PMM2: variants seen among roughly 807,000 people sequenced by gnomAD.
PMM2 encodes the protein mannose-6-phosphate isomerase.
Under a neutral mutation model 33.2 loss-of-function variants are expected in PMM2, and 35 were observed. That is an observed-to-expected ratio of 1.06 (90% CI 0.81 to 1.40). The LOEUF (loss-of-function observed/expected upper bound fraction) is 1.40. Ranked by LOEUF, PMM2 falls within the 40% of genes most tolerant of loss-of-function variation. PMM2 has a pLI of 0.00. For missense variants in PMM2, 386 were observed against 306.0 expected, an observed-to-expected ratio of 1.26 and a Z score of -1.95; for synonymous variants, 153 against 114.7, an observed-to-expected ratio of 1.33 and a Z score of -2.13.
intron 7 of PMM2, among the ~76,000 whole-genome samples, chr16:8,821,910 A>G (rs1203088311): frequency 6.6e-6 from 1 of 152,256 alleles, no homozygotes; most frequent in Non-Finnish European, 1.5e-5. Context: ...CTACTGCTCT[A>G]CGCCATTTCA....
intron 7 of PMM2, 114 bp downstream of exon 7, chr16:8,813,220 C>T: frequency 1.3e-6 from 1 of 768,428 alleles, no homozygotes; most frequent in Non-Finnish European, 2.4e-6. Flanking sequence ...CCTGCTCAAA[C>T]TGAGCAGTGG....
intron 7 of PMM2, among the ~76,000 whole-genome samples, chr16:8,839,493 C>T (rs1221043844): frequency 6.6e-6 from 1 of 151,964 alleles, no homozygotes; most frequent in Admixed American, 6.6e-5. Flanking sequence ...CGTTGAGTAT[C>T]TACAAGCAAC....
At chr16:8,802,335 C>G (rs1489582080) in intron 2 of PMM2, 2 of 455,798 alleles carry the variant, frequency 4.4e-6, no homozygotes, top group East Asian at 1.4e-4. Context: ...CTTATTGACC[C>G]CTTCACTGGA....
chr16:8,832,678 C>A (rs1034159247), intron 7 of PMM2: 1 of 985,450 alleles, frequency 1.0e-6, no homozygotes, highest in Non-Finnish European at 1.2e-6. Context: ...ACCCCGCACC[C>A]GTTCTCCAGA....
chr16:8,848,005 GA>G lies in PMM2; in HGVS notation c.*181del. 13 of 609,416 alleles carry G rather than the reference GA, an allele frequency of 2.1e-5. No individual in the cohort carries two copies. In the South Asian group the frequency reaches 2.3e-4, roughly 11 times the overall value. 37.8% of individuals were successfully genotyped at this position (609,416 alleles called of 1,614,324 possible). A position where few individuals can be genotyped will look rare whatever the true frequency, so the allele number is the denominator to read the frequency against. On this transcript the variant is annotated 3_prime_UTR_variant, in exon 8 of 8. Transcript: ENST00000268261. Reference sequence around the variant, plus strand: ...AGTGCCAGAAACTTCCAGAAGGAAGGAGAAAACTCTTGTCAAGAATGGCCCA... The same window carrying G: ...AGTGCCAGAAACTTCCAGAAGGAAGGGAAAACTCTTGTCAAGAATGGCCCA...
chr16:8,843,792 T>C (rs1267949001), intron 7 of PMM2, among the ~76,000 whole-genome samples: 1 of 152,180 alleles, frequency 6.6e-6, no homozygotes, highest in South Asian at 2.1e-4. Context: ...AAAATGTATA[T>C]TGAGAATAAG....
At chr16:8,847,612 TC>T in intron 7 of PMM2, 111 bp from the exon 8 acceptor site, 1 of 777,530 alleles carries the variant, frequency 1.3e-6, no homozygotes, top group African/African-American at 1.7e-5. Flanking sequence ...GAAGAAACTC[TC>T]CCTGCCCAGT....
At chr16:8,802,518 C>T (rs1344074740) in intron 2 of PMM2, 4 of 272,226 alleles carry the variant, frequency 1.5e-5, no homozygotes, top group South Asian at 3.6e-5. Flanking sequence ...GCCACAGGGC[C>T]TCCTGGCCTG....
chr16:8,827,722 A>ATG (rs2060778401), intron 7 of PMM2, among the ~76,000 whole-genome samples: 2 of 7,570 alleles, frequency 2.6e-4, no homozygotes, highest in African/African-American at 6.9e-4. Context: ...ATGTGTGCAT[A>ATG]TATATATATA....
chr16:8,835,194 G>C (rs4302031), intron 7 of PMM2, among the ~76,000 whole-genome samples: 24,096 of 149,244 alleles, frequency 0.16, 1,822 homozygotes, highest in East Asian at 0.23. Flanking sequence ...GGTCCTGGCT[G>C]TTGTGTAAGA....
In PMM2 at chr16:8,832,673, G is replaced by A. The variant is rs1001436489; in HGVS notation, c.640-15051G>A. On this transcript the variant is annotated intron_variant, in intron 7 of 7. Coordinates refer to ENST00000268261, the MANE Select transcript of PMM2 (RefSeq NM_000303.3). ...CTCCCTTCAATTGCGTCCTCACCCC[G>A]CACCCGTTCTCCAGAAAGATCCTGT... 18 of 985,336 alleles carry A rather than the reference G, an allele frequency of 1.8e-5. No individual in the cohort carries two copies. In the African/African-American group the frequency reaches 2.1e-4, roughly 11 times the overall value. 61.0% of individuals were successfully genotyped at this position (985,336 alleles called of 1,614,324 possible).
intron 7 of PMM2, chr16:8,832,618 C>G: frequency 1.0e-6 from 1 of 985,398 alleles, no homozygotes; most frequent in Non-Finnish European, 1.2e-6. Context: ...CCTCTTTGCA[C>G]CCTGGCCGGC....
intron 7 of PMM2, chr16:8,832,867 C>A (rs1048334248): frequency 1.4e-5 from 14 of 985,342 alleles, no homozygotes; most frequent in South Asian, 4.7e-5. Flanking sequence ...GCCCTCACGT[C>A]CCTCAGATGC....
intron 7 of PMM2, among the ~76,000 whole-genome samples, chr16:8,837,887 G>T (rs2060861725): frequency 6.6e-6 from 1 of 152,082 alleles, no homozygotes; most frequent in African/African-American, 2.4e-5. Context: ...CGGCGCCGGA[G>T]TTTTGAGTCC....
chr16:8,802,531 A>G (rs1596484540), intron 2 of PMM2: 1 of 262,282 alleles, frequency 3.8e-6, no homozygotes, highest in South Asian at 3.9e-5. Context: ...CTGGCCTGTA[A>G]GAAATTGTAA....
At chr16:8,828,015 CTG>C (rs1303624301) in intron 7 of PMM2, among the ~76,000 whole-genome samples, 1 of 96,308 alleles carries the variant, frequency 1.0e-5, no homozygotes, top group Admixed American at 1.4e-4. Context: ...CAGATTTTAA[CTG>C]TAGAACTCTT....
chr16:8,822,064 A>G (rs559555887), intron 7 of PMM2, among the ~76,000 whole-genome samples: 11 of 152,300 alleles, frequency 7.2e-5, no homozygotes, highest in African/African-American at 2.6e-4. Context: ...AGGAGACTGG[A>G]GTTTTATTAT....
chr16:8,801,329 C>A (rs1281634820), intron 1 of PMM2, among the ~76,000 whole-genome samples: 1 of 152,148 alleles, frequency 6.6e-6, no homozygotes, highest in Non-Finnish European at 1.5e-5. Context: ...CCCCCAGTTA[C>A]AACTAAAATA....
At chr16:8,799,277 C>T (rs2060597526) in intron 1 of PMM2, among the ~76,000 whole-genome samples, 1 of 152,134 alleles carries the variant, frequency 6.6e-6, no homozygotes, top group Admixed American at 6.5e-5. Context: ...ACATTGCCAC[C>T]CTTTTTCATA....
Sources: allele counts gnomAD v4.1 joint callset (sites outside exome capture counted in the v4.1 genomes callset), GRCh38; gene constraint gnomAD v4.1.1; transcripts MANE v1.5; gene names NCBI Gene and HGNC (gene_info 2026-07-23, HGNC 2026-07-21).